RELN: variants seen among roughly 807,000 people sequenced by gnomAD.
The protein encoded by RELN is reelin.
Under a neutral mutation model 427.6 loss-of-function variants are expected in RELN, and 108 were observed. That is an observed-to-expected ratio of 0.25 (90% CI 0.22 to 0.30). The LOEUF is 0.30. RELN is among the 10% of genes least tolerant of loss of function. The pLI, the probability that RELN is intolerant of heterozygous loss-of-function variation, is 1.00. For synonymous variants in RELN, 1,524 were observed against 1,513.4 expected (o/e 1.01, Z -0.16); for missense variants, 3,715 against 4,302.8 (o/e 0.86, Z 3.82).
At chr7:103,617,877 G>A (rs760314554) in intron 20 of RELN, among the ~76,000 whole-genome samples, 12 of 151,998 alleles carry the variant, frequency 7.9e-5, no homozygotes, top group Admixed American at 4.6e-4. Context: ...TAGTTTCCCT[G>A]AGAGCTGGTT....
chr7:103,943,868 A>AAAAAAT (rs1408006344), intron 1 of RELN, among the ~76,000 whole-genome samples: 4 of 151,560 alleles, frequency 2.6e-5, no homozygotes, highest in African/African-American at 9.7e-5. Context: ...AAAAAAAAAA[A>AAAAAAT]AGAATTGGAA....
intron 41 of RELN, among the ~76,000 whole-genome samples, chr7:103,545,918 G>A (rs1830286061): frequency 6.6e-6 from 1 of 152,162 alleles, no homozygotes; most frequent in Admixed American, 6.5e-5. Flanking sequence ...TTACAAGCGT[G>A]AGCCACCGCA....
chr7:103,942,420 T>C (rs568365781), intron 1 of RELN, among the ~76,000 whole-genome samples: 1 of 152,304 alleles, frequency 6.6e-6, no homozygotes, highest in Admixed American at 6.5e-5. Flanking sequence ...CTTATTTACT[T>C]AGCATAATGA....
At position 103,561,514 on chromosome 7, in the gene RELN, A is replaced by G; in HGVS notation, c.5529+18T>C. On this transcript the variant is annotated intron_variant, in intron 36 of 64. Transcript: ENST00000428762. Reference sequence around the variant, plus strand: ...GTTAGTAGTAATGTTGGGAAGGAGAATCTTATCTGTATCTGACCCCTTTAA... The same window carrying G: ...GTTAGTAGTAATGTTGGGAAGGAGAGTCTTATCTGTATCTGACCCCTTTAA... 3.1e-6 allele frequency: 5 copies of G among 1,588,904 alleles called. No homozygotes were observed. The highest frequency in any genetic ancestry group is 4.3e-6 in the Non-Finnish European group (5 of 1,157,166).
intron 1 of RELN, among the ~76,000 whole-genome samples, chr7:103,954,761 G>A (rs570591817): frequency 1.3e-5 from 2 of 152,088 alleles, no homozygotes; most frequent in African/African-American, 4.8e-5. Flanking sequence ...ACTGATTTTT[G>A]TATTCTGATA....
At chr7:103,803,153 T>G (rs1278292347) in intron 3 of RELN, among the ~76,000 whole-genome samples, 1 of 152,098 alleles carries the variant, frequency 6.6e-6, no homozygotes, top group East Asian at 1.9e-4. Context: ...CTGTCCAGCT[T>G]AATGATTGCA....
At chr7:103,923,028 C>T (rs1584370576) in intron 1 of RELN, among the ~76,000 whole-genome samples, 1 of 151,982 alleles carries the variant, frequency 6.6e-6, no homozygotes, top group African/African-American at 2.4e-5. Context: ...GCAAAGTTTC[C>T]ATTTCTTGAT....
intron 4 of RELN, among the ~76,000 whole-genome samples, chr7:103,767,120 T>A (rs1376093435): frequency 6.6e-6 from 1 of 152,218 alleles, no homozygotes; most frequent in Non-Finnish European, 1.5e-5. Context: ...CCCTGCTCCA[T>A]CTTCAACTGT....
intron 1 of RELN, among the ~76,000 whole-genome samples, chr7:103,938,750 T>A (rs954028786): frequency 3.3e-5 from 5 of 152,202 alleles, no homozygotes; most frequent in Non-Finnish European, 7.3e-5. Context: ...GGAAACAATG[T>A]GTCAATTAGA....
At chr7:103,755,310 T>TA (rs930515230) in intron 4 of RELN, among the ~76,000 whole-genome samples, 2 of 151,238 alleles carry the variant, frequency 1.3e-5, no homozygotes, top group Non-Finnish European at 2.9e-5. Flanking sequence ...CCACTAAAAA[T>TA]AAAAAAATAA....
intron 38 of RELN, among the ~76,000 whole-genome samples, chr7:103,554,714 G>A (rs965459242): frequency 6.6e-6 from 1 of 152,086 alleles, no homozygotes; most frequent in Non-Finnish European, 1.5e-5. Flanking sequence ...TCAAATAATA[G>A]CAGTGCTATG....
intron 20 of RELN, among the ~76,000 whole-genome samples, chr7:103,621,456 C>T (rs1348773584): frequency 6.6e-6 from 1 of 152,134 alleles, no homozygotes; most frequent in Non-Finnish European, 1.5e-5. Context: ...TTTTCCCAGT[C>T]TCCTGGAAAG....
intron 2 of RELN, among the ~76,000 whole-genome samples, chr7:103,894,359 T>C (rs1794914635): frequency 6.6e-6 from 1 of 152,190 alleles, no homozygotes; most frequent in African/African-American, 2.4e-5. Flanking sequence ...GTTTTAGGCT[T>C]TGCCTAGTGA....
At chr7:103,682,313 T>C (rs1197665313) in intron 10 of RELN, 52 bp from the exon 11 acceptor site, 2 of 1,593,740 alleles carry the variant, frequency 1.3e-6, no homozygotes, top group South Asian at 2.2e-5. Flanking sequence ...GTTGTAGCTG[T>C]ATCTGTCTTA....
chr7:103,726,144 A>C (rs1014683706), intron 7 of RELN, among the ~76,000 whole-genome samples: 8 of 152,328 alleles, frequency 5.3e-5, no homozygotes, highest in African/African-American at 1.9e-4. Context: ...GTAAATATTG[A>C]ATATAATGTT....
Position 103,611,793 on chromosome 7 carries a change from C to A in RELN, c.2713G>T (p.Asp905Tyr). 6.2e-7 allele frequency: 1 copy of A among 1,613,384 alleles called. No homozygotes were observed. Among genetic ancestry groups the A allele is most frequent in the East Asian group, 2.2e-5 (1 of 44,828 alleles). The change falls in exon 21 of 65, where the codon GAT becomes TAT. Residue 905 changes from aspartate to tyrosine, a missense_variant. By Grantham distance (160) the Asp-to-Tyr change is radical. Coordinates refer to ENST00000428762, the MANE Select transcript of RELN (RefSeq NM_005045.4). ...GHDWTLCFTG[D>Y]SKLASSMRYV... The stretch of plus-strand genomic sequence containing the variant: ...CGCATACTTGAGGCAAGTTTAGAAT[C>A]TCCTGTAAAACTGAAAGAGACAGAG...
chr7:103,741,038 T>C (rs1221639767), intron 6 of RELN, among the ~76,000 whole-genome samples: 1 of 152,220 alleles, frequency 6.6e-6, no homozygotes, highest in Non-Finnish European at 1.5e-5. Flanking sequence ...CCCTTTTCCA[T>C]ACTGTTACAA....
At chr7:103,763,827 G>A (rs914482915) in intron 4 of RELN, among the ~76,000 whole-genome samples, 9 of 152,092 alleles carry the variant, frequency 5.9e-5, no homozygotes, top group African/African-American at 2.2e-4. Context: ...CTGAACTGGG[G>A]GGAAACAGAG....
At position 103,989,296 on chromosome 7, in the gene RELN, G is replaced by C. The variant is rs1797172669; in HGVS notation, c.61C>G (p.Leu21Val). 2 of 1,612,684 alleles carry C rather than the reference G, an allele frequency of 1.2e-6. No individual in the cohort carries two copies. The highest frequency in any genetic ancestry group is 2.2e-5 in the South Asian group (2 of 91,042). Residue 21 changes from leucine to valine, a missense_variant, in exon 1 of 65, where the codon CTG becomes GTG. By Grantham distance (32) the Leu-to-Val change is conservative (BLOSUM62 1). Transcript: ENST00000428762. This position sits in a 1 kb window ranked among gnomAD's most constrained non-coding sequence, Gnocchi z 4.9. ...FLLALLLGAT[L>V]RARAAAGYYP... ...TAGCCAGCCGCCGCGCGCGCCCTCA[G>C]CGTCGCCCCCAGCAACAGCGCTAGG... is the stretch of plus-strand genomic sequence containing the variant.
Sources: allele counts gnomAD v4.1 joint callset (sites outside exome capture counted in the v4.1 genomes callset), GRCh38; gene constraint gnomAD v4.1.1; non-coding constraint Gnocchi (gnomAD v3.1); transcripts MANE v1.5; gene names NCBI Gene and HGNC (gene_info 2026-07-23, HGNC 2026-07-21).